KIAA0513: variants seen among roughly 807,000 people sequenced by gnomAD.
The protein encoded by KIAA0513 is KIAA0513.
A neutral mutation model predicts 56.5 loss-of-function variants in KIAA0513; 39 were observed. That is an observed-to-expected ratio of 0.69 (90% CI 0.53 to 0.90). KIAA0513 has a LOEUF of 0.90. KIAA0513 is among the 40% of genes least tolerant of loss of function. The pLI is 0.00. For synonymous variants in KIAA0513, 268 were observed against 215.6 expected, an observed-to-expected ratio of 1.24 and a Z score of -2.13; for missense variants, 591 against 535.2, an observed-to-expected ratio of 1.10 and a Z score of -1.03.
rs549290880 is a variant in KIAA0513 at position 85,089,771 on chromosome 16, G to A, written c.*1446G>A. The stretch of plus-strand genomic sequence containing the variant: ...TCACTTACCCGGCCACTGCTTGGAA[G>A]GTTTCCCTCCGGGGAATGCCTCCCT... On this transcript the variant is annotated 3_prime_UTR_variant, in exon 13 of 13. Coordinates refer to ENST00000683363, the MANE Select transcript of KIAA0513 (RefSeq NM_001388359.1). The surrounding 1 kb of genome is among the most constrained non-coding windows in gnomAD (Gnocchi z 4.2). 2.0e-5 allele frequency: 3 copies of A among 152,292 alleles called. No individual in the cohort carries two copies. The highest frequency in any genetic ancestry group is 4.4e-5 in the Non-Finnish European group (3 of 68,056). 9.4% of individuals were successfully genotyped at this position (152,292 alleles called of 1,614,324 possible). A position where few individuals can be genotyped will look rare whatever the true frequency, so the allele number is the denominator to read the frequency against.
At chr16:85,085,852 C>T (rs2073801859) in intron 10 of KIAA0513, among the ~76,000 whole-genome samples, 1 of 152,252 alleles carries the variant, frequency 6.6e-6, no homozygotes, top group African/African-American at 2.4e-5. Context: ...TCGTGCAAAC[C>T]TCGGCCGATG....
chr16:85,091,791 C>G lies in KIAA0513; in HGVS notation c.*3466C>G, dbSNP rs1345377228. 4 of 152,210 alleles carry G rather than the reference C, an allele frequency of 2.6e-5. No individual in the cohort carries two copies. Among genetic ancestry groups the G allele is most frequent in the Admixed American group, 2.6e-4 (4 of 15,276 alleles). The allele number at this position is 152,210 out of a possible 1,614,324, so 9.4% of individuals were successfully genotyped here. ...TGGGTTACCTTATCACCCTGGAGCA[C>G]TTGGTATTCCAGACCCCTGACATGA... On this transcript the variant is annotated 3_prime_UTR_variant, in exon 13 of 13. Transcript: ENST00000683363.
In KIAA0513 at chr16:85,067,265, C is replaced by A. The variant is rs1567536473; in HGVS notation, c.194C>A (p.Ser65Tyr). The change falls in exon 2 of 13, where the codon TCC becomes TAC. Residue 65 changes from serine to tyrosine, a missense_variant. By Grantham distance (144) the Ser-to-Tyr change is moderately radical. Transcript: ENST00000683363. ...ATGGGCGAGTCGCCCTCGCACCCGT[C>A]CTGGGACCAAGACCGCCGTTCCTCC... ...NDMGESPSHP[S>Y]WDQDRRSSSN... 6.2e-7 allele frequency: 1 copy of A among 1,614,084 alleles called. No individual in the cohort carries two copies. The highest frequency in any genetic ancestry group is 8.5e-7 in the Non-Finnish European group (1 of 1,180,024).
At chr16:85,029,981 G>T (rs534395007) in intron 1 of KIAA0513, among the ~76,000 whole-genome samples, 1 of 152,300 alleles carries the variant, frequency 6.6e-6, no homozygotes, top group African/African-American at 2.4e-5. Context: ...ACCGTCTGAC[G>T]CTGGATATAG....
At chr16:85,066,172 A>G (rs1377217462) in intron 1 of KIAA0513, among the ~76,000 whole-genome samples, 1 of 152,192 alleles carries the variant, frequency 6.6e-6, no homozygotes, top group African/African-American at 2.4e-5. Context: ...ATAGGAGCAG[A>G]GTGGAGCTTC....
At chr16:85,073,816 C>A (rs2073615380) in intron 4 of KIAA0513, among the ~76,000 whole-genome samples, 3 of 152,208 alleles carry the variant, frequency 2.0e-5, no homozygotes, top group Admixed American at 2.0e-4. Flanking sequence ...GCCCCACGTC[C>A]CCTCCTGGTC....
intron 10 of KIAA0513, among the ~76,000 whole-genome samples, chr16:85,084,250 C>T (rs1467116099): frequency 1.5e-5 from 2 of 132,362 alleles, no homozygotes; most frequent in South Asian, 2.4e-4. Flanking sequence ...TTTTCTTTTT[C>T]TTTTTTTTTT....
intron 8 of KIAA0513, 86 bp downstream of exon 8, chr16:85,079,089 C>T: frequency 6.2e-7 from 1 of 1,602,900 alleles, no homozygotes; most frequent in Non-Finnish European, 8.5e-7. Context: ...CTGCCTTTGT[C>T]CCCATCAGAA....
rs1464098956 is a variant in KIAA0513 at position 85,087,147 on chromosome 16, G to A, written c.1167G>A (p.Val389=). ...LCNDFLKKQA[V]IGNLDEEQYK... ...ATGACTTCCTGAAGAAGCAGGCTGT[G>A]ATTGGCAACCTGGATGAAGGTGCGT... is the stretch of plus-strand genomic sequence containing the variant. Residue 389 remains valine, a synonymous_variant, in exon 12 of 13, where the codon GTG becomes GTA. Coordinates refer to ENST00000683363, the MANE Select transcript of KIAA0513 (RefSeq NM_001388359.1). 4 of 1,614,058 alleles carry A rather than the reference G, an allele frequency of 2.5e-6. No individual in the cohort carries two copies. In the Admixed American group the frequency reaches 6.7e-5, roughly 27 times the overall value.
intron 1 of KIAA0513, among the ~76,000 whole-genome samples, chr16:85,034,143 C>T (rs780260258): frequency 1.3e-5 from 2 of 152,104 alleles, no homozygotes; most frequent in African/African-American, 2.4e-5. Flanking sequence ...CTTTGGGAGG[C>T]GGAGGCAGGT....
At chr16:85,057,718 G>A (rs1482016976) in intron 1 of KIAA0513, among the ~76,000 whole-genome samples, 1 of 152,016 alleles carries the variant, frequency 6.6e-6, no homozygotes, top group Admixed American at 6.6e-5. Flanking sequence ...GTATGCCAGT[G>A]CCTGGTTTAG....
At chr16:85,086,747 G>A (rs760106981) in intron 11 of KIAA0513, 23 bp downstream of exon 11, 21 of 1,593,958 alleles carry the variant, frequency 1.3e-5, no homozygotes, top group African/African-American at 7.1e-5. Flanking sequence ...GTGGGAAAGC[G>A]GGAGGGGAGA....
chr16:85,075,630 C>G (rs72805476), intron 4 of KIAA0513, among the ~76,000 whole-genome samples: 5,417 of 152,296 alleles, frequency 0.036, 123 homozygotes, highest in Non-Finnish European at 0.053. Context: ...GCCGGGCAGG[C>G]AGACCACAAA....
intron 2 of KIAA0513, among the ~76,000 whole-genome samples, chr16:85,070,538 C>T (rs1277218487): frequency 6.6e-6 from 1 of 152,058 alleles, no homozygotes; most frequent in East Asian, 1.9e-4. Context: ...ATTAGCTGGG[C>T]GTGGTGGCAG....
chr16:85,058,654 C>CA lies in KIAA0513; in HGVS notation c.-172-8232dup, dbSNP rs58904956. Reference sequence around the variant, plus strand: ...GCAACAAGAGCGGAACTCCATCTCACAAAAAAAAAAAAAACACACAAGAAA... The same window carrying CA: ...GCAACAAGAGCGGAACTCCATCTCACAAAAAAAAAAAAAAACACACAAGAAA... On this transcript the variant is annotated intron_variant, in intron 1 of 12. Coordinates refer to ENST00000683363, the MANE Select transcript of KIAA0513 (RefSeq NM_001388359.1). Among the ~76,000 whole-genome samples, 241 of 122,760 alleles carry CA rather than the reference C, an allele frequency of 2.0e-3. 2 individuals are homozygous for CA. The highest frequency in any genetic ancestry group is 5.6e-3 in the Admixed American group (71 of 12,596). 80.5% of individuals were successfully genotyped at this position (122,760 alleles called of 152,430 possible). A position where few individuals can be genotyped will look rare whatever the true frequency, so the allele number is the denominator to read the frequency against.
At position 85,084,720 on chromosome 16, in the gene KIAA0513, C is replaced by T. The variant is rs539479995; in HGVS notation, c.1011-1924C>T. On this transcript the variant is annotated intron_variant, in intron 10 of 12. Transcript: ENST00000683363. ...CTGGGATTACAGGCATGAGCCACTG[C>T]GCCCGGCCTAATTTTTGTATTTTTA... Among the ~76,000 whole-genome samples, 4 of 150,970 alleles carry T rather than the reference C, an allele frequency of 2.6e-5. No individual in the cohort carries two copies. In the South Asian group the frequency reaches 6.2e-4, roughly 23 times the overall value.
chr16:85,067,784 T>C (rs2073509880), intron 2 of KIAA0513, among the ~76,000 whole-genome samples: 2 of 152,140 alleles, frequency 1.3e-5, no homozygotes, highest in Non-Finnish European at 2.9e-5. Context: ...CATTATGTTC[T>C]TTTTGTTTAT....
At chr16:85,039,342 G>A (rs563260692) in intron 1 of KIAA0513, among the ~76,000 whole-genome samples, 11 of 152,298 alleles carry the variant, frequency 7.2e-5, no homozygotes, top group African/African-American at 2.6e-4. Context: ...TCACTCTGTT[G>A]CCCAGGCTGG....
intron 4 of KIAA0513, among the ~76,000 whole-genome samples, chr16:85,075,488 G>A (rs73254557): frequency 6.6e-6 from 1 of 152,154 alleles, no homozygotes; most frequent in African/African-American, 2.4e-5. Context: ...GAGAAATCAA[G>A]GGCTGGAGGG....
Sources: allele counts gnomAD v4.1 joint callset (sites outside exome capture counted in the v4.1 genomes callset), GRCh38; gene constraint gnomAD v4.1.1; non-coding constraint Gnocchi (gnomAD v3.1); transcripts MANE v1.5; gene names NCBI Gene and HGNC (gene_info 2026-07-23, HGNC 2026-07-21).